Variants in MAML3 observed in about 807,000 individuals in gnomAD.
MAML3 encodes mastermind like transcriptional coactivator 3.
A neutral mutation model predicts 101.9 loss-of-function variants in MAML3; 27 were observed. The ratio of observed to expected loss-of-function variants is 0.27; its 90% CI spans 0.20 to 0.37. The LOEUF (loss-of-function observed/expected upper bound fraction) is 0.37, where lower values mean the gene tolerates loss of function less well. MAML3 is among the 10% of genes least tolerant of loss of function. MAML3 has a pLI of 1.00. For synonymous variants in MAML3, 501 were observed against 555.9 expected (o/e 0.90, Z 1.39); for missense variants, 1,316 against 1,444.9 (o/e 0.91, Z 1.45).
At chr4:140,080,401 T>C (rs531350566) in intron 1 of MAML3, among the ~76,000 whole-genome samples, 2 of 152,256 alleles carry the variant, frequency 1.3e-5, no homozygotes, top group Non-Finnish European at 1.5e-5. Context: ...CTTTAAACGG[T>C]AATGTTCCAC....
At chr4:140,067,080 A>G (rs1727549204) in intron 1 of MAML3, among the ~76,000 whole-genome samples, 1 of 152,168 alleles carries the variant, frequency 6.6e-6, no homozygotes, top group African/African-American at 2.4e-5. Context: ...CTTTTCTCCA[A>G]TATTAAAGCT....
rs755393166 is a variant in MAML3, at chr4:140,153,299, G to A, written c.29C>T (p.Ala10Val). Residue 10 changes from alanine (A) to valine (V), a missense_variant, in exon 1 of 5, where the codon GCC becomes GTC. By Grantham distance (64) the Ala-to-Val change is moderately conservative. Transcript: ENST00000509479. MGDFAAPAA[A>V]ANGSSICINS... ...GATGCAAATACTACTGCCATTCGCGGCAGCAGCGGGGGCTGCGAAATCCCC... is the reference window on the plus strand; with the variant it reads ...GATGCAAATACTACTGCCATTCGCGACAGCAGCGGGGGCTGCGAAATCCCC... 1.3e-6 allele frequency: 2 copies of A among 1,598,078 alleles called. No individual in the cohort carries two copies. Among genetic ancestry groups the A allele is most frequent in the Non-Finnish European group, 8.5e-7 (1 of 1,171,148 alleles).
In MAML3 at chr4:139,753,341, A is replaced by ATCT. The variant is rs1553954174; in HGVS notation, c.2080-22675_2080-22674insAGA. 4.1e-5 allele frequency among the ~76,000 whole-genome samples: 6 copies of ATCT among 146,576 alleles called. No homozygotes were observed. In the East Asian group the frequency reaches 6.1e-4, roughly 15 times the overall value. ...TTCTTTGCTTTTTTCTTTTCTTTTT[A>ATCT]ATCTATCTATCTATCTATCTATCTA... On this transcript the variant is annotated intron_variant, in intron 2 of 4. Transcript: ENST00000509479.
At chr4:139,941,361 G>A (rs368094357) in intron 1 of MAML3, among the ~76,000 whole-genome samples, 1 of 152,198 alleles carries the variant, frequency 6.6e-6, no homozygotes, top group East Asian at 1.9e-4. Context: ...GTGTATCAAT[G>A]TAAGTTTCTG....
chr4:140,036,137 C>A (rs1396204388), intron 1 of MAML3, among the ~76,000 whole-genome samples: 3 of 152,232 alleles, frequency 2.0e-5, no homozygotes, highest in Non-Finnish European at 4.4e-5. Flanking sequence ...AGCTTACACA[C>A]AGTGTCAGTC....
intron 1 of MAML3, among the ~76,000 whole-genome samples, chr4:139,916,966 C>A (rs1481282688): frequency 6.6e-6 from 1 of 152,122 alleles, no homozygotes; most frequent in Non-Finnish European, 1.5e-5. Context: ...GATGACAGAA[C>A]AAGGGTTCTG....
chr4:140,088,063 CA>C (rs944990857), intron 1 of MAML3, among the ~76,000 whole-genome samples: 1 of 151,788 alleles, frequency 6.6e-6, no homozygotes, highest in Non-Finnish European at 1.5e-5. Flanking sequence ...ACCTCAACTC[CA>C]AAAAAAATTT....
chr4:139,816,297 T>C (rs747258962), intron 2 of MAML3, among the ~76,000 whole-genome samples: 2 of 151,752 alleles, frequency 1.3e-5, no homozygotes, highest in African/African-American at 2.4e-5. Flanking sequence ...GTGGTGTGAG[T>C]TCAAAAACAA....
At chr4:140,097,615 C>T (rs904909910) in intron 1 of MAML3, among the ~76,000 whole-genome samples, 2 of 148,804 alleles carry the variant, frequency 1.3e-5, no homozygotes, top group African/African-American at 5.0e-5. Flanking sequence ...TGAAGGAAGA[C>T]GGGGTGAAGA....
At chr4:139,823,207 G>A (rs1045480416) in intron 2 of MAML3, among the ~76,000 whole-genome samples, 6 of 152,160 alleles carry the variant, frequency 3.9e-5, no homozygotes, top group Non-Finnish European at 8.8e-5. Context: ...TACGACCACT[G>A]TCAGGAATAG....
At chr4:140,113,566 A>G (rs1271498404) in intron 1 of MAML3, among the ~76,000 whole-genome samples, 10 of 152,188 alleles carry the variant, frequency 6.6e-5, no homozygotes, top group African/African-American at 2.2e-4. Flanking sequence ...CTATTCCAGT[A>G]GACAGTACCA....
chr4:139,753,378 A>ATCTG (rs1460414382), intron 2 of MAML3, among the ~76,000 whole-genome samples: 1 of 151,280 alleles, frequency 6.6e-6, no homozygotes, highest in Non-Finnish European at 1.5e-5. Context: ...CTATCTATCT[A>ATCTG]TCTATCTATT....
chr4:139,999,493 T>C (rs1054169922), intron 1 of MAML3, among the ~76,000 whole-genome samples: 26 of 152,224 alleles, frequency 1.7e-4, no homozygotes, highest in Admixed American at 1.7e-3. Context: ...GTCGTATGCC[T>C]TATTCAATTT....
intron 1 of MAML3, among the ~76,000 whole-genome samples, chr4:140,144,313 G>A (rs1381734962): frequency 6.6e-6 from 1 of 152,212 alleles, no homozygotes; most frequent in African/African-American, 2.4e-5. Context: ...TTGGAAGGCC[G>A]AGACCAGCAG....
intron 1 of MAML3, among the ~76,000 whole-genome samples, chr4:140,088,532 G>T (rs150245031): frequency 6.6e-6 from 1 of 152,250 alleles, no homozygotes; most frequent in Non-Finnish European, 1.5e-5. Context: ...GCAAACTCAT[G>T]TTCCAGCTTC....
chr4:140,133,868 T>C (rs1313601113), intron 1 of MAML3, among the ~76,000 whole-genome samples: 1 of 152,228 alleles, frequency 6.6e-6, no homozygotes, highest in African/African-American at 2.4e-5. Flanking sequence ...ATAAAATGGC[T>C]GTATGTATAC....
intron 1 of MAML3, among the ~76,000 whole-genome samples, chr4:140,071,651 T>C (rs1727655028): frequency 1.4e-5 from 2 of 147,848 alleles, no homozygotes; most frequent in Admixed American, 1.3e-4. Context: ...ATCTCACAGT[T>C]TAAAAAAAAA....
At chr4:140,123,889 GT>G (rs1728646599) in intron 1 of MAML3, among the ~76,000 whole-genome samples, 1 of 152,190 alleles carries the variant, frequency 6.6e-6, no homozygotes, top group African/African-American at 2.4e-5. Flanking sequence ...GGCTTCTGAG[GT>G]GGTGCGAGGT....
At chr4:140,004,942 G>T (rs1225220169) in intron 1 of MAML3, among the ~76,000 whole-genome samples, 1 of 151,954 alleles carries the variant, frequency 6.6e-6, no homozygotes, top group Admixed American at 6.5e-5. Context: ...AATGATTTTT[G>T]TTTCCTTAAG....
Sources: allele counts gnomAD v4.1 joint callset (sites outside exome capture counted in the v4.1 genomes callset), GRCh38; gene constraint gnomAD v4.1.1; transcripts MANE v1.5; gene names NCBI Gene and HGNC (gene_info 2026-07-23, HGNC 2026-07-21).